HIVEP1: variants seen among roughly 807,000 people sequenced by gnomAD.
HIVEP1 encodes the protein zinc finger protein 40.
In HIVEP1, 36 loss-of-function variants were observed where a neutral mutation model predicts 180.0. That is an observed-to-expected ratio of 0.20 (90% CI 0.15 to 0.26). The LOEUF (loss-of-function observed/expected upper bound fraction) is 0.26, where lower values mean the gene tolerates loss of function less well. Among genes scored for constraint, HIVEP1 ranks in the 10% least tolerant of loss-of-function variants. HIVEP1 has a pLI of 1.00. For missense variants in HIVEP1, 3,143 were observed against 3,268.7 expected, an observed-to-expected ratio of 0.96 and a Z score of 0.94; for synonymous variants, 1,239 against 1,239.0, an observed-to-expected ratio of 1.00 and a Z score of 0.00.
chr6:12,145,084 G>A (rs1013461545), intron 7 of HIVEP1, among the ~76,000 whole-genome samples: 10 of 152,026 alleles, frequency 6.6e-5, no homozygotes, highest in African/African-American at 2.2e-4. Context: ...TGTTTATTGC[G>A]GCACTATTAA....
chr6:12,031,239 T>A (rs1002920969), intron 2 of HIVEP1, among the ~76,000 whole-genome samples: 2 of 152,178 alleles, frequency 1.3e-5, no homozygotes, highest in African/African-American at 4.8e-5. Flanking sequence ...AACTTTCAGC[T>A]GGACCCTCTT....
At chr6:12,131,668 T>A (rs1353110813) in intron 6 of HIVEP1, among the ~76,000 whole-genome samples, 1 of 151,114 alleles carries the variant, frequency 6.6e-6, no homozygotes, top group Non-Finnish European at 1.5e-5. Context: ...AGGCTCCTTA[T>A]TCATGAACAA....
Position 12,121,369 on chromosome 6 carries a change from C to T in HIVEP1, c.1574C>T (p.Ala525Val), listed in dbSNP as rs552930353. 1.2e-6 allele frequency: 2 copies of T among 1,614,110 alleles called. No homozygotes were observed. The highest frequency in any genetic ancestry group is 3.3e-5 in the Admixed American group (2 of 60,014). Residue 525 changes from alanine to valine, a missense_variant, in exon 4 of 9, where the codon GCT becomes GTT. Transcript: ENST00000379388. This position sits in a 1 kb window ranked among gnomAD's most constrained non-coding sequence, Gnocchi z 5.3. Reference protein sequence around the residue: ...PVHIIKRMSNAETLLKSSFTP... With the variant: ...PVHIIKRMSNVETLLKSSFTP... ...CACATAATAAAGAGGATGTCAAATG[C>T]TGAAACTTTACTAAAATCAAGCTTC... is the stretch of plus-strand genomic sequence containing the variant.
At chr6:12,098,776 T>A (rs1773920974) in intron 3 of HIVEP1, among the ~76,000 whole-genome samples, 1 of 152,166 alleles carries the variant, frequency 6.6e-6, no homozygotes. Context: ...AAAATGAATT[T>A]AAAAAATTAA....
chr6:12,119,860 A>C, intron 3 of HIVEP1, 30 bp from the exon 4 acceptor site: 1 of 1,414,368 alleles, frequency 7.1e-7, no homozygotes, highest in Non-Finnish European at 9.6e-7. Context: ...AATGTTACCA[A>C]TTGTTTGTTG....
chr6:12,071,673 G>A (rs939915782), intron 2 of HIVEP1, among the ~76,000 whole-genome samples: 26 of 152,284 alleles, frequency 1.7e-4, no homozygotes, highest in African/African-American at 6.3e-4. Context: ...TAGATTGGGA[G>A]CAAACCATCT....
At chr6:12,085,677 A>G (rs1014804667) in intron 2 of HIVEP1, among the ~76,000 whole-genome samples, 1 of 152,128 alleles carries the variant, frequency 6.6e-6, no homozygotes, top group African/African-American at 2.4e-5. Flanking sequence ...CCTGTGATGC[A>G]TTAGAGCCCA....
the HIVEP1 span, among the ~76,000 whole-genome samples, chr6:12,207,081 A>T: frequency 2.8e-4 from 43 of 152,190 alleles, no homozygotes; most frequent in South Asian, 6.2e-4. Flanking sequence ...AGAAGCATTT[A>T]AAAAAATCTG....
chr6:12,027,127 T>A (rs1004717170), intron 2 of HIVEP1, among the ~76,000 whole-genome samples: 2 of 152,224 alleles, frequency 1.3e-5, no homozygotes, highest in African/African-American at 4.8e-5. Flanking sequence ...ATATTTACTA[T>A]TTAATGCTTT....
At position 12,122,105 on chromosome 6, in the gene HIVEP1, G is replaced by A; in HGVS notation, c.2310G>A (p.Arg770=). 1.2e-6 allele frequency: 2 copies of A among 1,614,196 alleles called. No individual in the cohort carries two copies. The highest frequency in any genetic ancestry group is 1.7e-6 in the Non-Finnish European group (2 of 1,180,026). The part of the protein sequence containing the change: ...DDKQLDSVKP[R]RTSLSRRGSI... ...AGCAACTGGATAGTGTGAAGCCGCG[G>A]AGAACCTCACTGTCAAGACGAGGAA... is the stretch of plus-strand genomic sequence containing the variant. The change falls in exon 4 of 9, where the codon CGG becomes CGA. Residue 770 remains arginine, a synonymous_variant. Coordinates refer to ENST00000379388, the MANE Select transcript of HIVEP1 (RefSeq NM_002114.4).
rs1757984901 is a variant in HIVEP1, at chr6:12,125,217, C to T, written c.5422C>T (p.Leu1808=). 1.2e-6 allele frequency: 2 copies of T among 1,614,042 alleles called. No homozygotes were observed. The highest frequency in any genetic ancestry group is 1.1e-5 in the South Asian group (1 of 91,082). Residue 1808 remains leucine (L), a synonymous_variant, in exon 4 of 9, where the codon CTG becomes TTG. Coordinates refer to ENST00000379388, the MANE Select transcript of HIVEP1 (RefSeq NM_002114.4). ...LVRQVCTTEP[L]DGVMLEKDVF... ...GAGACAGGTTTGTACTACAGAGCCC[C>T]TGGACGGTGTGATGTTGGAAAAGGA...
At chr6:12,155,485 C>T (rs1223531239) in intron 7 of HIVEP1, among the ~76,000 whole-genome samples, 3 of 151,894 alleles carry the variant, frequency 2.0e-5, no homozygotes. Context: ...ATTCAGCTCC[C>T]ACTTATAAGT....
intron 3 of HIVEP1, among the ~76,000 whole-genome samples, chr6:12,098,264 A>G (rs779776080): frequency 3.3e-5 from 5 of 152,224 alleles, no homozygotes; most frequent in Admixed American, 6.5e-5. Flanking sequence ...CAAGAAAGAT[A>G]AAGTATTTAA....
chr6:12,186,385 T>G, the HIVEP1 span, among the ~76,000 whole-genome samples: 1 of 151,772 alleles, frequency 6.6e-6, no homozygotes, highest in Non-Finnish European at 1.5e-5. Flanking sequence ...GACAAACTTA[T>G]GAAGTCAGAA....
chr6:12,160,502 T>G (rs1181420759), intron 7 of HIVEP1, among the ~76,000 whole-genome samples: 1 of 151,834 alleles, frequency 6.6e-6, no homozygotes, highest in African/African-American at 2.4e-5. Flanking sequence ...AAGCACAAAG[T>G]GTGGTTGAAA....
intron 7 of HIVEP1, among the ~76,000 whole-genome samples, chr6:12,158,086 G>T (rs1439623777): frequency 6.6e-6 from 1 of 152,012 alleles, no homozygotes; most frequent in Non-Finnish European, 1.5e-5. Flanking sequence ...TCTAACATAG[G>T]TGTCATATCT....
chr6:12,096,158 C>T (rs1449312667), intron 3 of HIVEP1, among the ~76,000 whole-genome samples: 1 of 151,822 alleles, frequency 6.6e-6, no homozygotes, highest in Non-Finnish European at 1.5e-5. Flanking sequence ...ATACTTCAGC[C>T]CCAGAACATT....
At chr6:12,068,735 AGTTT>A (rs1383063410) in intron 2 of HIVEP1, among the ~76,000 whole-genome samples, 2 of 152,274 alleles carry the variant, frequency 1.3e-5, no homozygotes, top group South Asian at 2.1e-4. Context: ...GAGACACCCA[AGTTT>A]GTTTTTTATT....
chr6:12,163,648 G>A lies in HIVEP1; in HGVS notation c.7344G>A (p.Val2448=), dbSNP rs368790962. 6.1e-5 allele frequency: 98 copies of A among 1,614,044 alleles called. 2 individuals are homozygous for A. In the African/African-American group the frequency reaches 1.3e-3, roughly 21 times the overall value. Residue 2448 remains valine, a synonymous_variant, in exon 9 of 9, where the codon GTG becomes GTA. Transcript: ENST00000379388. The part of the protein sequence containing the change: ...LGTHRNTVTE[V]SGTTNPAGVA... ...CTCATAGGAATACGGTCACAGAAGT[G>A]TCTGGCACTACAAACCCTGCTGGAG...
Sources: gnomAD v4.1 joint callset for allele counts (sites outside exome capture counted in the v4.1 genomes callset) on GRCh38, gnomAD v4.1.1 for gene constraint, Gnocchi (gnomAD v3.1) non-coding constraint, MANE v1.5 for transcripts, NCBI Gene and HGNC (gene_info 2026-07-23, HGNC 2026-07-21) for gene names.